The following CNTNAP2 variants were observed in gnomAD, a reference collection of about 807,000 sequenced individuals.
The protein encoded by CNTNAP2 is contactin associated protein 2, also known as contactin-associated protein-like 2.
Under a neutral mutation model 155.2 loss-of-function variants are expected in CNTNAP2, and 98 were observed. The ratio of observed to expected loss-of-function variants is 0.63; its 90% CI spans 0.54 to 0.75. The LOEUF is 0.75. Ranked by LOEUF, CNTNAP2 falls within the 30% of genes least tolerant of loss-of-function variation. The pLI is 0.00. For missense variants in CNTNAP2, 1,727 were observed against 1,688.1 expected, an observed-to-expected ratio of 1.02 and a Z score of -0.40; for synonymous variants, 651 against 631.2, an observed-to-expected ratio of 1.03 and a Z score of -0.47.
At chr7:147,748,602 C>T (rs1224344090) in intron 13 of CNTNAP2, among the ~76,000 whole-genome samples, 1 of 152,142 alleles carries the variant, frequency 6.6e-6, no homozygotes, top group African/African-American at 2.4e-5. Context: ...TGTTTTTCTC[C>T]CTGCACCTCA....
intron 1 of CNTNAP2, among the ~76,000 whole-genome samples, chr7:146,728,448 T>G (rs767166257): frequency 1.1e-4 from 16 of 152,164 alleles, no homozygotes; most frequent in Non-Finnish European, 2.1e-4. Flanking sequence ...GTTTTTTGCT[T>G]GTTTGTTAGA....
Position 148,323,354 on chromosome 7 carries a change from T to TA in CNTNAP2, c.3475+56228_3475+56229insA, listed in dbSNP as rs1797834610. 2.7e-5 allele frequency among the ~76,000 whole-genome samples: 4 copies of TA among 149,464 alleles called. No individual in the cohort carries two copies. The South Asian group carries it at 6.4e-4, about 24-fold the overall frequency. On this transcript the variant is annotated intron_variant, in intron 21 of 23. Coordinates refer to ENST00000361727, the MANE Select transcript of CNTNAP2 (RefSeq NM_014141.6). ...GTGATTTAGGTTTATTCTTTTTTTT[T>TA]TATACTTAAAGTTTTAGGATTTCTT...
At chr7:147,899,578 T>A (rs2708267) in intron 13 of CNTNAP2, among the ~76,000 whole-genome samples, 46,034 of 152,036 alleles carry the variant, frequency 0.3, 7,121 homozygotes, top group Middle Eastern at 0.43. Flanking sequence ...GCTAAAGTCA[T>A]ATTAAGAATA....
chr7:147,679,147 T>C (rs911094858), intron 13 of CNTNAP2, among the ~76,000 whole-genome samples: 3 of 151,934 alleles, frequency 2.0e-5, no homozygotes, highest in Non-Finnish European at 4.4e-5. Flanking sequence ...CAGAGTGATA[T>C]ATGAGTGTGA....
chr7:146,439,259 T>C (rs1028438953), intron 1 of CNTNAP2, among the ~76,000 whole-genome samples: 2 of 151,596 alleles, frequency 1.3e-5, no homozygotes, highest in African/African-American at 4.9e-5. Flanking sequence ...TACACCAAAG[T>C]TATGTTTTCT....
At chr7:147,672,023 T>C (rs931951688) in intron 13 of CNTNAP2, 6 of 152,230 alleles carry the variant, frequency 3.9e-5, no homozygotes, top group Admixed American at 1.3e-4. Flanking sequence ...CTGAGAAAAA[T>C]GCTGATTCAG....
At chr7:147,309,930 A>T (rs553452902) in intron 9 of CNTNAP2, among the ~76,000 whole-genome samples, 1 of 152,180 alleles carries the variant, frequency 6.6e-6, no homozygotes, top group East Asian at 1.9e-4. Context: ...ATGAGAAAAA[A>T]ATTTTCAATC....
chr7:148,096,315 G>A (rs2116572498), intron 15 of CNTNAP2, among the ~76,000 whole-genome samples: 1 of 146,768 alleles, frequency 6.8e-6, no homozygotes, highest in South Asian at 2.2e-4. Flanking sequence ...GTGTGTGTGT[G>A]GTCACAGTGA....
intron 1 of CNTNAP2, among the ~76,000 whole-genome samples, chr7:146,501,242 G>C (rs1400726414): frequency 2.0e-5 from 3 of 152,098 alleles, no homozygotes; most frequent in Non-Finnish European, 4.4e-5. Context: ...CATGAACTGG[G>C]AAGTGTTCCC....
chr7:147,627,585 G>C (rs544311716), intron 12 of CNTNAP2, among the ~76,000 whole-genome samples: 1 of 151,236 alleles, frequency 6.6e-6, no homozygotes, highest in African/African-American at 2.4e-5. Flanking sequence ...CCAGGTACTT[G>C]GGAGGCTGAG....
intron 9 of CNTNAP2, among the ~76,000 whole-genome samples, chr7:147,313,091 C>A (rs1795155500): frequency 7.7e-6 from 1 of 130,104 alleles, no homozygotes; most frequent in African/African-American, 3.2e-5. Flanking sequence ...TGTCCTTCGC[C>A]CACTTTTTGA....
chr7:147,535,759 G>C (rs192687607), intron 11 of CNTNAP2, among the ~76,000 whole-genome samples: 3 of 152,166 alleles, frequency 2.0e-5, no homozygotes, highest in Non-Finnish European at 4.4e-5. Context: ...CGAGGACCGC[G>C]AAGGTCACAA....
At chr7:148,225,316 A>G (rs1339245318) in intron 19 of CNTNAP2, among the ~76,000 whole-genome samples, 4 of 152,204 alleles carry the variant, frequency 2.6e-5, no homozygotes, top group Admixed American at 1.3e-4. Flanking sequence ...AGGAAGTCAC[A>G]GAAATGATCA....
chr7:146,199,300 G>T (rs1798822856), intron 1 of CNTNAP2, among the ~76,000 whole-genome samples: 1 of 152,146 alleles, frequency 6.6e-6, no homozygotes, highest in Non-Finnish European at 1.5e-5. Flanking sequence ...TTGTTTACTT[G>T]AAATCAATAT....
chr7:146,913,562 C>T (rs773691405), intron 3 of CNTNAP2, among the ~76,000 whole-genome samples: 45 of 152,012 alleles, frequency 3.0e-4, no homozygotes, highest in African/African-American at 9.9e-4. Context: ...GGCCCTCTTT[C>T]GGCAAGGAGA....
chr7:146,643,041 T>C (rs1188477522), intron 1 of CNTNAP2, among the ~76,000 whole-genome samples: 2 of 144,656 alleles, frequency 1.4e-5, no homozygotes, highest in Non-Finnish European at 3.0e-5. Context: ...TTGAGTTCAT[T>C]GTAGATTCTG....
chr7:147,453,071 AG>A (rs947813597), intron 10 of CNTNAP2, among the ~76,000 whole-genome samples: 1 of 152,134 alleles, frequency 6.6e-6, no homozygotes. Context: ...AAAGTAGAAA[AG>A]GGAGAGAAAT....
chr7:146,869,101 A>G (rs1795257493), intron 3 of CNTNAP2, among the ~76,000 whole-genome samples: 2 of 152,166 alleles, frequency 1.3e-5, no homozygotes, highest in Admixed American at 1.3e-4. Context: ...GTCAGTTTTC[A>G]AGGGGAATGC....
rs10268781 is a variant in CNTNAP2, at chr7:146,789,484, G to T, written c.208+15103G>T. 5.8e-3 allele frequency among the ~76,000 whole-genome samples: 881 copies of T among 151,750 alleles called. 5 individuals are homozygous for T. Among genetic ancestry groups the T allele is most frequent in the African/African-American group, 0.02 (824 of 41,378 alleles). ...GTAAAAGAAGTTATTTTAAATATTT[G>T]CATATAATGATGTATTTGTTAAAAG... On this transcript the variant is annotated intron_variant, in intron 2 of 23. Transcript: ENST00000361727.
Sources: allele counts gnomAD v4.1 joint callset (sites outside exome capture counted in the v4.1 genomes callset), GRCh38; gene constraint gnomAD v4.1.1; transcripts MANE v1.5; gene names NCBI Gene and HGNC (gene_info 2026-07-23, HGNC 2026-07-21).